CTDP1: variants seen among roughly 807,000 people sequenced by gnomAD.
The protein encoded by CTDP1 is RNA polymerase II subunit A C-terminal domain phosphatase.
Under a neutral mutation model 91.8 loss-of-function variants are expected in CTDP1, and 47 were observed. The observed-to-expected ratio is 0.51, with a 90% confidence interval of 0.41 to 0.65. The LOEUF (loss-of-function observed/expected upper bound fraction) is 0.65, where lower values mean the gene tolerates loss of function less well. Among genes scored for constraint, CTDP1 ranks in the 30% least tolerant of loss-of-function variants. The pLI is 0.00. For synonymous variants in CTDP1, 656 were observed against 598.5 expected (o/e 1.10, Z -1.40); for missense variants, 1,272 against 1,373.7 (o/e 0.93, Z 1.17).
chr18:79,717,933 G>A lies in CTDP1; in HGVS notation c.2334G>A (p.Thr778=), dbSNP rs138539842. 109 of 1,613,582 alleles carry A rather than the reference G, an allele frequency of 6.8e-5. No homozygotes were observed. The African/African-American group carries it at 1.2e-3, about 18-fold the overall frequency. ...GPEVRIYDSN[T]GKLIRTGARG... is the part of the protein sequence containing the mutation. ...AGGTTCGGATCTACGACTCCAACAC[G>A]GGGAAGCTCATCAGGACGGGCGCCC... Residue 778 remains threonine (T), a synonymous_variant, in exon 10 of 13, where the codon ACG becomes ACA. Transcript: ENST00000613122.
chr18:79,681,970 G>A (rs1237731268), intron 1 of CTDP1, among the ~76,000 whole-genome samples: 4 of 152,156 alleles, frequency 2.6e-5, no homozygotes, highest in Non-Finnish European at 5.9e-5. Flanking sequence ...AGCATTTCCG[G>A]AGGTGTTCCT....
chr18:79,680,134 G>T lies in CTDP1; in HGVS notation c.187G>T (p.Ala63Ser), dbSNP rs1396868995. ...CGCCGCCTCCGCGCAGTCCTCCGGG[G>T]CCTCTCAGTCCCGTGTAGCCTCCGG... ...EAAASAQSSG[A>S]SQSRVASGGC... Residue 63 changes from alanine to serine, a missense_variant, in exon 1 of 13, where the codon GCC becomes TCC. By Grantham distance (99) the Ala-to-Ser change is moderately conservative. Coordinates refer to ENST00000613122, the MANE Select transcript of CTDP1 (RefSeq NM_004715.5). The T allele has an allele frequency of 7.0e-7, 1 of 1,432,350 alleles. No individual in the cohort carries two copies. The highest frequency in any genetic ancestry group is 9.1e-7 in the Non-Finnish European group (1 of 1,094,946). 88.7% of individuals were successfully genotyped at this position (1,432,350 alleles called of 1,614,324 possible).
intron 1 of CTDP1, among the ~76,000 whole-genome samples, chr18:79,694,339 GACGGGA>G (rs1324625999): frequency 1.8e-4 from 19 of 108,490 alleles, no homozygotes; most frequent in East Asian, 9.9e-4. Flanking sequence ...GCCCAGCTGG[GACGGGA>G]GTGTGGGGGT....
upstream of CTDP1, chr18:79,679,533 C>A (rs1480600816): frequency 6.5e-6 from 3 of 459,446 alleles, no homozygotes; most frequent in Admixed American, 2.3e-5. Flanking sequence ...CCGCCATGCT[C>A]TGTCCGCGGT....
chr18:79,727,356 G>A (rs899852719), intron 10 of CTDP1, among the ~76,000 whole-genome samples: 2 of 152,206 alleles, frequency 1.3e-5, no homozygotes, highest in Non-Finnish European at 2.9e-5. Context: ...CGCGGGATGG[G>A]AAGCGTGGCG....
At chr18:79,733,565 C>T (rs538615173) in intron 11 of CTDP1, among the ~76,000 whole-genome samples, 40 of 151,980 alleles carry the variant, frequency 2.6e-4, no homozygotes, top group Non-Finnish European at 5.5e-4. Flanking sequence ...CCAAAGCCGG[C>T]GTCCGCTGCC....
chr18:79,679,144 G>C (rs2085297126), upstream of CTDP1: 1 of 303,910 alleles, frequency 3.3e-6, no homozygotes, highest in African/African-American at 2.4e-5. Context: ...GAACCAACCA[G>C]GCGCTTCCGG....
chr18:79,716,171 C>T (rs961661236), intron 8 of CTDP1, among the ~76,000 whole-genome samples: 3 of 152,172 alleles, frequency 2.0e-5, no homozygotes, highest in African/African-American at 4.8e-5. Flanking sequence ...GGATTTTCCG[C>T]GAATGAAGAT....
At chr18:79,689,330 A>T (rs2085571838) in intron 1 of CTDP1, among the ~76,000 whole-genome samples, 1 of 152,168 alleles carries the variant, frequency 6.6e-6, no homozygotes, top group African/African-American at 2.4e-5. Context: ...CTTGAAAGAG[A>T]TACTTTGTTA....
At chr18:79,733,232 T>C (rs934555177) in intron 11 of CTDP1, among the ~76,000 whole-genome samples, 9 of 151,602 alleles carry the variant, frequency 5.9e-5, no homozygotes, top group Admixed American at 2.6e-4. Flanking sequence ...AGAGGACAGG[T>C]GTGCGTTTGG....
rs80293632 is a variant in CTDP1 at position 79,727,972 on chromosome 18, C to G, written c.2418-935C>G. ...GAAAGATGTGTACAGAGGAGAGAAA[C>G]TATTTCAAACGGAGCTGCGGTTTGA... On this transcript the variant is annotated intron_variant, in intron 10 of 12. Transcript: ENST00000613122. Among the ~76,000 whole-genome samples the G allele has an allele frequency of 6.5e-3, 983 of 152,328 alleles. 43 individuals carry two copies. The East Asian group carries it at 0.12, about 18-fold the overall frequency.
chr18:79,704,233 C>T (rs752084845), intron 4 of CTDP1, among the ~76,000 whole-genome samples: 2 of 152,230 alleles, frequency 1.3e-5, no homozygotes, highest in African/African-American at 4.8e-5. Flanking sequence ...GTTAGGGTCA[C>T]GTCCTTATTT....
intron 10 of CTDP1, among the ~76,000 whole-genome samples, chr18:79,721,429 T>A (rs492597): frequency 0.53 from 80,342 of 151,734 alleles, 21,734 homozygotes; most frequent in Middle Eastern, 0.68. Flanking sequence ...GAAGTCAGGG[T>A]CTGTTCTGTA....
intron 12 of CTDP1, among the ~76,000 whole-genome samples, chr18:79,741,443 A>G (rs574601084): frequency 1.3e-5 from 2 of 152,364 alleles, no homozygotes; most frequent in South Asian, 2.1e-4. Context: ...ATAGCACAGC[A>G]TGGTGGGAGC....
upstream of CTDP1, chr18:79,679,722 C>T (rs1388207140): frequency 4.0e-6 from 2 of 505,782 alleles, no homozygotes; most frequent in Non-Finnish European, 7.3e-6. Flanking sequence ...GAGCCGGCTC[C>T]GGCCCCGCGC....
At chr18:79,716,617 CG>C (rs1186869272) in intron 8 of CTDP1, among the ~76,000 whole-genome samples, 1 of 150,858 alleles carries the variant, frequency 6.6e-6, no homozygotes, top group Non-Finnish European at 1.5e-5. Flanking sequence ...TGCCCTGCCG[CG>C]TGTCTGCCCA....
intron 12 of CTDP1, among the ~76,000 whole-genome samples, chr18:79,741,107 G>A (rs889987495): frequency 5.4e-5 from 8 of 148,138 alleles, no homozygotes; most frequent in South Asian, 2.2e-4. Context: ...TGAGGTCCCC[G>A]TGTGGTTGAT....
At chr18:79,681,698 G>A (rs1399655467) in intron 1 of CTDP1, among the ~76,000 whole-genome samples, 1 of 152,134 alleles carries the variant, frequency 6.6e-6, no homozygotes, top group Admixed American at 6.5e-5. Flanking sequence ...GTACCTCACA[G>A]GGCCCTTTGA....
intron 12 of CTDP1, among the ~76,000 whole-genome samples, chr18:79,736,745 TGTGG>T (rs1411466606): frequency 3.5e-4 from 8 of 22,736 alleles, no homozygotes; most frequent in South Asian, 0.02. Flanking sequence ...TGTGTGCAGG[TGTGG>T]GGGGGGATCT....
Sources: allele counts gnomAD v4.1 joint callset (sites outside exome capture counted in the v4.1 genomes callset), GRCh38; gene constraint gnomAD v4.1.1; transcripts MANE v1.5; gene names NCBI Gene and HGNC (gene_info 2026-07-23, HGNC 2026-07-21).